The following PCDHA7 variants were observed in gnomAD, a reference collection of about 807,000 sequenced individuals.
PCDHA7 encodes the protein protocadherin alpha 7.
In PCDHA7, 37 loss-of-function variants were observed where a neutral mutation model predicts 57.2. The observed-to-expected ratio is 0.65, with a 90% CI of 0.50 to 0.85. The LOEUF is 0.85. Among genes scored for constraint, PCDHA7 ranks in the 40% least tolerant of loss-of-function variants. PCDHA7 has a pLI of 0.00. For synonymous variants in PCDHA7, 553 were observed against 558.8 expected (o/e 0.99, Z 0.15); for missense variants, 1,188 against 1,241.8 (o/e 0.96, Z 0.65).
In PCDHA7 at chr5:140,883,790, G is replaced by T. The variant is rs200436467; in HGVS notation, c.2355+47052G>T. ...GGGCGAGCGTGCGCTGTCGAGCTAC[G>T]TGTCGGTGCACGCGGAGAGCGGCAA... On this transcript the variant is annotated intron_variant, in intron 1 of 3. Coordinates refer to ENST00000525929, the MANE Select transcript of PCDHA7 (RefSeq NM_018910.3). The T allele has an allele frequency of 3.5e-5, 57 of 1,612,406 alleles. No homozygotes were observed. The highest frequency in any genetic ancestry group is 4.3e-5 in the Non-Finnish European group (51 of 1,179,760).
In PCDHA7 at chr5:140,882,697, A is replaced by G. The variant is rs145968658; in HGVS notation, c.2355+45959A>G. 60 of 1,614,238 alleles carry G rather than the reference A, an allele frequency of 3.7e-5. No homozygotes were observed. The African/African-American group carries it at 6.5e-4, about 18-fold the overall frequency. On this transcript the variant is annotated intron_variant, in intron 1 of 3. Transcript: ENST00000525929. ...AAAGCAAGAAACGAATAATCATTGC[A>G]GAATCTAGACCTCCGGAAACTCGAT...
chr5:140,919,136 G>T (rs1340753916), intron 1 of PCDHA7, among the ~76,000 whole-genome samples: 5 of 152,064 alleles, frequency 3.3e-5, no homozygotes, highest in African/African-American at 1.2e-4. Context: ...GTGTTTTGGG[G>T]CTCTATTATT....
intron 1 of PCDHA7, chr5:140,848,372 A>G: frequency 1.7e-6 from 2 of 1,150,006 alleles, no homozygotes; most frequent in South Asian, 3.0e-5. Context: ...AAGAGGCTCA[A>G]TTCTTTTTCA....
chr5:140,969,473 A>G (rs562575347), intron 1 of PCDHA7: 1 of 1,478,090 alleles, frequency 6.8e-7, no homozygotes, highest in Non-Finnish European at 9.0e-7. Flanking sequence ...CCACAATTTG[A>G]TCATAATCTG....
intron 1 of PCDHA7, chr5:140,842,585 G>T: frequency 6.3e-7 from 1 of 1,596,296 alleles, no homozygotes; most frequent in East Asian, 2.2e-5. Flanking sequence ...GTCGGCCTAT[G>T]AGTTGGTGGT....
rs143580970 is a variant in PCDHA7, at chr5:140,976,476, G to A, written c.2356-2473G>A. ...TGGGGAAGAAGAATTGCTTGAATCC[G>A]GGAGGCAGAGGTTGCAGGGAGCCAA... On this transcript the variant is annotated intron_variant, in intron 1 of 3. Transcript: ENST00000525929. 8.2e-3 allele frequency among the ~76,000 whole-genome samples: 1,253 copies of A among 152,132 alleles called. 22 individuals carry two copies. The highest frequency in any genetic ancestry group is 0.028 in the African/African-American group (1,179 of 41,504).
At chr5:140,898,984 C>T (rs1237034997) in intron 1 of PCDHA7, among the ~76,000 whole-genome samples, 3 of 151,964 alleles carry the variant, frequency 2.0e-5, no homozygotes, top group Non-Finnish European at 4.4e-5. Flanking sequence ...TGATTTGGCT[C>T]TCTGTTTGTC....
chr5:141,006,948 A>G (rs1432589918), intron 3 of PCDHA7, among the ~76,000 whole-genome samples: 3 of 152,194 alleles, frequency 2.0e-5, no homozygotes, highest in African/African-American at 7.2e-5. Flanking sequence ...CCAGATAGGC[A>G]GTTATACATG....
chr5:140,946,574 G>A (rs246054), intron 1 of PCDHA7, among the ~76,000 whole-genome samples: 79,382 of 143,554 alleles, frequency 0.55, 22,609 homozygotes, highest in African/African-American at 0.68. Context: ...AATCAACTTA[G>A]GTGTTCATAG....
At chr5:140,900,199 G>C (rs1383731759) in intron 1 of PCDHA7, among the ~76,000 whole-genome samples, 1 of 152,172 alleles carries the variant, frequency 6.6e-6, no homozygotes, top group Non-Finnish European at 1.5e-5. Context: ...ATGACATCCA[G>C]TTTCATCCAG....
chr5:140,841,603 G>A (rs2150319062), intron 1 of PCDHA7: 34 of 1,614,038 alleles, frequency 2.1e-5, no homozygotes, highest in East Asian at 1.1e-4. Flanking sequence ...ACCGCGAGGA[G>A]CTGTGCGGGC....
chr5:140,926,404 A>G (rs192980510), intron 1 of PCDHA7: 1 of 152,612 alleles, frequency 6.6e-6, no homozygotes, highest in African/African-American at 2.4e-5. Context: ...GTTATCAGCA[A>G]TCTGCGGGCA....
chr5:140,876,759 T>A, intron 1 of PCDHA7: 1 of 1,614,146 alleles, frequency 6.2e-7, no homozygotes, highest in Non-Finnish European at 8.5e-7. Context: ...CTGCGCGGGA[T>A]GGGGGCTCGC....
chr5:140,927,171 C>G (rs1554204119), intron 1 of PCDHA7: 5 of 1,614,164 alleles, frequency 3.1e-6, no homozygotes. Context: ...AAGCTGCCTG[C>G]GTCTTGACCT....
intron 1 of PCDHA7, chr5:140,870,676 G>C (rs561705674): frequency 1.9e-6 from 3 of 1,612,584 alleles, no homozygotes; most frequent in Non-Finnish European, 2.5e-6. Flanking sequence ...GTTGGACCAC[G>C]AGGAGCTGGA....
intron 1 of PCDHA7, chr5:140,869,931 G>C (rs2051507983): frequency 6.2e-7 from 1 of 1,611,492 alleles, no homozygotes; most frequent in Admixed American, 1.7e-5. Flanking sequence ...TCAATGGAGA[G>C]GTAACATACT....
chr5:140,928,122 A>G (rs1554205517), intron 1 of PCDHA7: 14 of 1,614,078 alleles, frequency 8.7e-6, no homozygotes, highest in Non-Finnish European at 1.2e-5. Context: ...AGATCAGTGA[A>G]TACCAAGTCC....
chr5:140,868,245 C>T (rs1264028092), intron 1 of PCDHA7: 1 of 152,002 alleles, frequency 6.6e-6, no homozygotes, highest in Non-Finnish European at 1.5e-5. Context: ...GATCAATAGA[C>T]TTTTCCTTTG....
intron 1 of PCDHA7, among the ~76,000 whole-genome samples, chr5:140,971,548 C>T (rs558563294): frequency 6.6e-6 from 1 of 152,246 alleles, no homozygotes; most frequent in African/African-American, 2.4e-5. Context: ...CCAGATCAAC[C>T]TGTTAAATTC....
Sources: gnomAD v4.1 joint callset for allele counts (sites outside exome capture counted in the v4.1 genomes callset) on GRCh38, gnomAD v4.1.1 for gene constraint, MANE v1.5 for transcripts, NCBI Gene and HGNC (gene_info 2026-07-23, HGNC 2026-07-21) for gene names.